The following LRWD1 variants were observed in gnomAD, a reference collection of about 807,000 sequenced individuals.
The protein encoded by LRWD1 is leucine rich repeats and WD repeat domain containing 1, also known as leucine-rich repeat and WD repeat-containing protein 1.
In LRWD1, 76 loss-of-function variants were observed where a neutral mutation model predicts 75.6. That is an observed-to-expected ratio of 1.01 (90% CI 0.84 to 1.22). The LOEUF is 1.22. Among genes scored for constraint, LRWD1 ranks in the 50% most tolerant of loss-of-function variants. LRWD1 has a pLI of 0.00. For missense variants in LRWD1, 917 were observed against 862.0 expected, an observed-to-expected ratio of 1.06 and a Z score of -0.80; for synonymous variants, 487 against 377.0, an observed-to-expected ratio of 1.29 and a Z score of -3.38.
chr7:102,465,211 G>A (rs975921816), intron 1 of LRWD1, 51 bp downstream of exon 1: 2 of 1,385,622 alleles, frequency 1.4e-6, no homozygotes, highest in Non-Finnish European at 1.9e-6. Context: ...GGGCGGTCGG[G>A]GAGAAGAGCG....
chr7:102,469,479 G>A, intron 9 of LRWD1, 95 bp from the exon 10 acceptor site: 5 of 1,433,538 alleles, frequency 3.5e-6, no homozygotes, highest in Non-Finnish European at 4.9e-6. Context: ...CGGAGGGGCT[G>A]GCCTTGGGAC....
rs772247076 is a variant in LRWD1 at position 102,469,566 on chromosome 7, C to G, written c.1229-8C>G. ...GGCCACTTCTCCCCTACCCCACCCC[C>G]TCTTCAGCGGCCTCCTATGACAAGC... On this transcript the variant is annotated splice_region_variant and splice_polypyrimidine_tract_variant and intron_variant, in intron 9 of 14. Coordinates refer to ENST00000292616, the MANE Select transcript of LRWD1 (RefSeq NM_152892.3). 5 of 1,614,146 alleles carry G rather than the reference C, an allele frequency of 3.1e-6. No homozygotes were observed. Among genetic ancestry groups the G allele is most frequent in the East Asian group, 2.2e-5 (1 of 44,890 alleles).
intron 4 of LRWD1, 106 bp downstream of exon 4, chr7:102,467,585 C>T: frequency 6.5e-7 from 1 of 1,533,314 alleles, no homozygotes; most frequent in South Asian, 1.2e-5. Flanking sequence ...TGGGGTGAGT[C>T]AGGGTGGGCA....
intron 3 of LRWD1, among the ~76,000 whole-genome samples, 166 bp from the exon 4 acceptor site, chr7:102,467,172 GT>G (rs899741189): frequency 0.082 from 1,929 of 23,510 alleles, 172 homozygotes; most frequent in East Asian, 0.13. Flanking sequence ...TGTGTGTGGG[GT>G]GTGTGTGTGT....
intron 3 of LRWD1, among the ~76,000 whole-genome samples, chr7:102,467,049 A>G (rs1410201735): frequency 7.0e-6 from 1 of 143,724 alleles, no homozygotes; most frequent in African/African-American, 2.7e-5. Flanking sequence ...GGCTGGGACT[A>G]TAGGCACCTG....
At chr7:102,472,423 A>G (rs1335917461) in intron 12 of LRWD1, 31 bp from the exon 13 acceptor site, 4 of 1,543,124 alleles carry the variant, frequency 2.6e-6, no homozygotes, top group East Asian at 2.4e-5. Flanking sequence ...GGGAGGGGCC[A>G]CCCTGCACAG....
rs375573347 is a variant in LRWD1, at chr7:102,467,406, C to A, written c.500C>A (p.Ala167Glu). 6.2e-7 allele frequency: 1 copy of A among 1,613,770 alleles called. No individual in the cohort carries two copies. Residue 167 changes from alanine (A) to glutamate (E), a missense_variant, in exon 4 of 15, where the codon GCG becomes GAG. Coordinates refer to ENST00000292616, the MANE Select transcript of LRWD1 (RefSeq NM_152892.3). ...GAAGAGGAGGCTGAGAAGGCCCAGG[C>A]GGACTTTGTGAAGTCGGCTGTCAGG... ...GPEEEAEKAQ[A>E]DFVKSAVRDV...
At chr7:102,468,677 G>A (rs1379674961) in intron 8 of LRWD1, 23 bp downstream of exon 8, 1 of 1,554,296 alleles carries the variant, frequency 6.4e-7, no homozygotes, top group Non-Finnish European at 8.7e-7. Flanking sequence ...CCCTGTCCCT[G>A]CTGGGCAAGG....
intron 11 of LRWD1, 93 bp downstream of exon 11, chr7:102,469,975 G>A (rs1198880452): frequency 3.6e-6 from 5 of 1,396,400 alleles, no homozygotes; most frequent in Non-Finnish European, 4.7e-6. Flanking sequence ...GCACACCCGG[G>A]TAACCATAAG....
rs200102694 is a variant in LRWD1, at chr7:102,467,443, C to T, written c.537C>T (p.Tyr179=). ...FVKSAVRDVR[Y]GPESLSEFTQ... is the part of the protein sequence containing the mutation. ...AGTCGGCTGTCAGGGATGTCCGCTA[C>T]GGGCCCGAGTCCCTCAGCGAGTTCA... The change falls in exon 4 of 15, where the codon TAC becomes TAT. Residue 179 remains tyrosine, a synonymous_variant. Coordinates refer to ENST00000292616, the MANE Select transcript of LRWD1 (RefSeq NM_152892.3). The T allele has an allele frequency of 4.1e-4, 655 of 1,613,848 alleles. 2 individuals are homozygous for T. Among genetic ancestry groups the T allele is most frequent in the Non-Finnish European group, 5.2e-4 (608 of 1,179,984 alleles).
rs1250764718 is a variant in LRWD1, at chr7:102,468,259, A to G, written c.805-4A>G. On this transcript the variant is annotated splice_region_variant and splice_polypyrimidine_tract_variant and intron_variant, in intron 6 of 14. Coordinates refer to ENST00000292616, the MANE Select transcript of LRWD1 (RefSeq NM_152892.3). ...GCAGCTGTGACCCTTCTCTCCCCCC[A>G]CAGCCTGCTGTGAAGCTGGAGCCCC... The G allele has an allele frequency of 3.1e-6, 5 of 1,605,622 alleles. No homozygotes were observed. In the South Asian group the frequency reaches 5.6e-5, roughly 18 times the overall value.
rs1415720383 is a variant in LRWD1, at chr7:102,472,894, C to G, written c.1804-15C>G. ...AGCAGGAGCCCAGCCCAGCCCTCCC[C>G]TCTCTCCCCACCAGATCCTGAAGTG... On this transcript the variant is annotated splice_polypyrimidine_tract_variant and intron_variant, in intron 14 of 14. Transcript: ENST00000292616. 1 of 1,612,618 alleles carries G rather than the reference C, an allele frequency of 6.2e-7. No homozygotes were observed. The highest frequency in any genetic ancestry group is 2.2e-5 in the East Asian group (1 of 44,832).
rs187641533 is a variant in LRWD1 at position 102,465,787 on chromosome 7, G to A, written c.81-30G>A. On this transcript the variant is annotated intron_variant, in intron 1 of 14. Transcript: ENST00000292616. ...TTGGTGTAGGGTGCAAAGCCTGCCC[G>A]CCCCCTAAGCCTTCTGCCCCCAACT... The A allele has an allele frequency of 2.5e-4, 398 of 1,563,612 alleles. 1 individual carries two copies. Among genetic ancestry groups the A allele is most frequent in the Middle Eastern group, 8.4e-4 (5 of 5,978 alleles).
At chr7:102,472,865 G>A (rs765911415) in intron 14 of LRWD1, 44 bp from the exon 15 acceptor site, 4 of 1,611,614 alleles carry the variant, frequency 2.5e-6, no homozygotes, top group Admixed American at 1.7e-5. Flanking sequence ...CCCTGCCTTT[G>A]GTCAGCAGGA....
At chr7:102,469,443 C>G (rs1798119592) in intron 9 of LRWD1, 131 bp from the exon 10 acceptor site, 1 of 1,026,242 alleles carries the variant, frequency 9.7e-7, no homozygotes, top group Non-Finnish European at 1.5e-6. Context: ...TTCCTGTCTC[C>G]TAGCCTCGGC....
Position 102,472,987 on chromosome 7 carries a change from T to G in LRWD1, c.1882T>G (p.Ser628Ala), listed in dbSNP as rs755389275. 5.6e-6 allele frequency: 9 copies of G among 1,613,872 alleles called. No homozygotes were observed. The highest frequency in any genetic ancestry group is 2.2e-5 in the East Asian group (1 of 44,866). ...TMVNTVVANA[S>A]FTYLTALTDS... The stretch of plus-strand genomic sequence containing the variant: ...GGTGAACACAGTGGTGGCCAATGCC[T>G]CCTTCACCTACCTCACCGCCCTGAC... Residue 628 changes from serine (S) to alanine (A), a missense_variant, in exon 15 of 15, where the codon TCC (serine) becomes GCC (alanine). Coordinates refer to ENST00000292616, the MANE Select transcript of LRWD1 (RefSeq NM_152892.3).
chr7:102,469,517 C>T (rs1798121415), intron 9 of LRWD1, 57 bp from the exon 10 acceptor site: 18 of 1,594,440 alleles, frequency 1.1e-5, no homozygotes, highest in Non-Finnish European at 1.5e-5. Flanking sequence ...ATGCAGCCAG[C>T]AGGAGGGAGC....
intron 3 of LRWD1, 81 bp from the exon 4 acceptor site, chr7:102,467,258 G>A: frequency 6.7e-7 from 1 of 1,500,276 alleles, no homozygotes. Flanking sequence ...CAGGTGGCGG[G>A]ATTGAGATTC....
chr7:102,466,304 A>G (rs368329019), intron 3 of LRWD1, 34 bp downstream of exon 3: 14 of 1,532,842 alleles, frequency 9.1e-6, no homozygotes, highest in Non-Finnish European at 1.3e-5. Context: ...TGTGCTTAGG[A>G]GCTGTGGGGG....
Sources: gnomAD v4.1 joint callset for allele counts (sites outside exome capture counted in the v4.1 genomes callset) on GRCh38, gnomAD v4.1.1 for gene constraint, MANE v1.5 for transcripts, NCBI Gene and HGNC (gene_info 2026-07-23, HGNC 2026-07-21) for gene names.